The following CLSTN2 variants were observed in gnomAD, a reference collection of about 807,000 sequenced individuals.
CLSTN2 encodes the protein calsyntenin-2.
In CLSTN2, 48 loss-of-function variants were observed where a neutral mutation model predicts 101.2. The observed-to-expected ratio is 0.47, with a 90% CI of 0.38 to 0.60. The LOEUF is 0.60. Ranked by LOEUF, CLSTN2 falls within the 20% of genes least tolerant of loss-of-function variation. CLSTN2 has a pLI of 0.00. For synonymous variants in CLSTN2, 481 were observed against 463.6 expected (o/e 1.04, Z -0.48); for missense variants, 1,160 against 1,238.2 (o/e 0.94, Z 0.95).
chr3:140,474,194 C>T (rs1933925792), intron 8 of CLSTN2, among the ~76,000 whole-genome samples: 2 of 152,126 alleles, frequency 1.3e-5, no homozygotes. Context: ...ATAAATCAAT[C>T]CACCTCCCAT....
intron 4 of CLSTN2, among the ~76,000 whole-genome samples, chr3:140,405,741 C>G (rs1352534812): frequency 6.6e-6 from 1 of 152,184 alleles, no homozygotes; most frequent in Non-Finnish European, 1.5e-5. Context: ...ACAAACTCAG[C>G]CCACTTTAGC....
intron 1 of CLSTN2, among the ~76,000 whole-genome samples, chr3:139,960,269 A>G (rs1935484589): frequency 6.6e-6 from 1 of 152,190 alleles, no homozygotes; most frequent in Non-Finnish European, 1.5e-5. Context: ...AGCTCAGCAT[A>G]CTATGGTGCC....
In CLSTN2 at chr3:140,129,979, T is replaced by C. The variant is rs536840564; in HGVS notation, c.110-45972T>C. ...GTCCTGGAAAGTAAACTGCCTGATG[T>C]ACAGTGAACACAAATTCTGTCTGCA... On this transcript the variant is annotated intron_variant, in intron 1 of 16. Transcript: ENST00000458420. 1.6e-4 allele frequency among the ~76,000 whole-genome samples: 25 copies of C among 152,348 alleles called. No homozygotes were observed. The East Asian group carries it at 1.9e-3, about 12-fold the overall frequency.
chr3:140,451,915 G>A (rs1208473382), intron 6 of CLSTN2, among the ~76,000 whole-genome samples: 2 of 152,170 alleles, frequency 1.3e-5, no homozygotes, highest in Non-Finnish European at 1.5e-5. Context: ...GACCAATGAG[G>A]ATATTAGAGC....
At chr3:140,016,825 A>T (rs1330243105) in intron 1 of CLSTN2, among the ~76,000 whole-genome samples, 1 of 151,968 alleles carries the variant, frequency 6.6e-6, no homozygotes, top group Non-Finnish European at 1.5e-5. Flanking sequence ...GAAACAAACA[A>T]AAAAACCTCA....
chr3:139,937,358 C>T (rs1392833732), intron 1 of CLSTN2, among the ~76,000 whole-genome samples: 1 of 152,092 alleles, frequency 6.6e-6, no homozygotes, highest in Non-Finnish European at 1.5e-5. Flanking sequence ...AAACCCCAGG[C>T]TTTCAATGAT....
intron 8 of CLSTN2, among the ~76,000 whole-genome samples, chr3:140,479,460 G>A (rs764636556): frequency 1.3e-4 from 20 of 152,260 alleles, no homozygotes; most frequent in Non-Finnish European, 2.6e-4. Flanking sequence ...CACTGGACAT[G>A]TGAGGAAACA....
rs546110258 is a variant in CLSTN2, at chr3:140,219,509, C to T, written c.232+43436C>T. 1.9e-4 allele frequency among the ~76,000 whole-genome samples: 29 copies of T among 152,250 alleles called. 1 individual carries two copies. The South Asian group carries it at 2.1e-3, about 11-fold the overall frequency. On this transcript the variant is annotated intron_variant, in intron 2 of 16. Transcript: ENST00000458420. ...TTTTATCTGGGAGCGATCTTGTTTCCGGAGTTCTTTTCTTCTTGATGTATT... is the reference window on the plus strand; with the variant it reads ...TTTTATCTGGGAGCGATCTTGTTTCTGGAGTTCTTTTCTTCTTGATGTATT...
At chr3:140,449,461 TTA>T (rs1173063554) in intron 6 of CLSTN2, 1 of 152,132 alleles carries the variant, frequency 6.6e-6, no homozygotes, top group Non-Finnish European at 1.5e-5. Flanking sequence ...GGTGAGGGGC[TTA>T]AGATACAGGA....
chr3:140,548,200 A>T (rs528286932), intron 10 of CLSTN2, among the ~76,000 whole-genome samples: 1 of 152,320 alleles, frequency 6.6e-6, no homozygotes, highest in East Asian at 1.9e-4. Context: ...GTATTCTGTT[A>T]TAGGCTAGTT....
chr3:140,293,713 C>A (rs1198027806), intron 2 of CLSTN2, among the ~76,000 whole-genome samples: 1 of 152,126 alleles, frequency 6.6e-6, no homozygotes, highest in Non-Finnish European at 1.5e-5. Flanking sequence ...GTGAGAGGAA[C>A]CTCAGGAGGA....
chr3:140,172,839 T>C (rs1269550621), intron 1 of CLSTN2, among the ~76,000 whole-genome samples: 2 of 152,144 alleles, frequency 1.3e-5, no homozygotes, highest in African/African-American at 2.4e-5. Context: ...ACAAGAATAG[T>C]ATGGGAGAAA....
At chr3:140,387,392 C>T (rs958541023) in intron 2 of CLSTN2, among the ~76,000 whole-genome samples, 1 of 152,206 alleles carries the variant, frequency 6.6e-6, no homozygotes, top group African/African-American at 2.4e-5. Flanking sequence ...ACAAAGGCTA[C>T]TGGTGGCTAT....
At chr3:140,100,930 T>G (rs2008955693) in intron 1 of CLSTN2, among the ~76,000 whole-genome samples, 1 of 152,150 alleles carries the variant, frequency 6.6e-6, no homozygotes, top group African/African-American at 2.4e-5. Context: ...CTGCCTTTAT[T>G]GGTAGCATTG....
intron 1 of CLSTN2, among the ~76,000 whole-genome samples, chr3:140,066,562 T>C (rs979333228): frequency 6.6e-6 from 1 of 152,220 alleles, no homozygotes; most frequent in Non-Finnish European, 1.5e-5. Flanking sequence ...AAACCTTTTT[T>C]ACAGGAATGT....
intron 2 of CLSTN2, among the ~76,000 whole-genome samples, chr3:140,328,225 A>G (rs1337255830): frequency 6.6e-6 from 1 of 152,138 alleles, no homozygotes; most frequent in African/African-American, 2.4e-5. Context: ...AAAGTAAATA[A>G]TGTGTCTTTT....
chr3:140,350,970 C>T (rs1263191363), intron 2 of CLSTN2, among the ~76,000 whole-genome samples: 1 of 152,170 alleles, frequency 6.6e-6, no homozygotes, highest in South Asian at 2.1e-4. Context: ...CTTGTTTGCT[C>T]AGCATCCCTT....
At chr3:140,001,183 C>T (rs578140509) in intron 1 of CLSTN2, among the ~76,000 whole-genome samples, 25 of 152,124 alleles carry the variant, frequency 1.6e-4, no homozygotes, top group African/African-American at 2.4e-4. Flanking sequence ...TTTCTGAAGT[C>T]AAAACACAGT....
intron 5 of CLSTN2, among the ~76,000 whole-genome samples, chr3:140,441,878 C>T (rs1250945010): frequency 1.3e-5 from 2 of 152,164 alleles, no homozygotes; most frequent in East Asian, 1.9e-4. Flanking sequence ...ATGAAGCCCT[C>T]CCGAGCCTCA....
Sources: gnomAD v4.1 joint callset for allele counts (sites outside exome capture counted in the v4.1 genomes callset) on GRCh38, gnomAD v4.1.1 for gene constraint, MANE v1.5 for transcripts, NCBI Gene and HGNC (gene_info 2026-07-23, HGNC 2026-07-21) for gene names.